NKAIN1: variants seen among roughly 807,000 people sequenced by gnomAD.
NKAIN1 encodes sodium/potassium-transporting ATPase subunit beta-1-interacting protein 1.
Under a neutral mutation model 31.6 loss-of-function variants are expected in NKAIN1, and 13 were observed. The ratio of observed to expected loss-of-function variants is 0.41; its 90% CI spans 0.27 to 0.65. The LOEUF is 0.65. Ranked by LOEUF, NKAIN1 falls within the 30% of genes least tolerant of loss-of-function variation. The probability of loss-of-function intolerance (pLI) is 0.30; values close to 1 mark genes in which losing one functional copy is unlikely to be tolerated. For synonymous variants in NKAIN1, 104 were observed against 109.0 expected, an observed-to-expected ratio of 0.95 and a Z score of 0.28; for missense variants, 193 against 262.2, an observed-to-expected ratio of 0.74 and a Z score of 1.82.
chr1:31,230,462 G>A (rs571318811), intron 1 of NKAIN1, among the ~76,000 whole-genome samples: 8 of 152,314 alleles, frequency 5.3e-5, no homozygotes, highest in African/African-American at 1.9e-4. Flanking sequence ...GCTTTGAGAG[G>A]GGCCAGGAGG....
chr1:31,180,978 T>C lies in NKAIN1; in HGVS notation c.*725A>G, dbSNP rs1449230707. On this transcript the variant is annotated 3_prime_UTR_variant, in exon 7 of 7. Transcript: ENST00000373736. ...AGAGAGCAGACACTGGGTTTTACAG[T>C]CAGAAACTGCAGAAAGTACACTGTG... 1 of 152,034 alleles carries C rather than the reference T, an allele frequency of 6.6e-6. No homozygotes were observed. Among genetic ancestry groups the C allele is most frequent in the Non-Finnish European group, 1.5e-5 (1 of 68,008 alleles). 9.4% of individuals were successfully genotyped at this position (152,034 alleles called of 1,614,324 possible). A position where few individuals can be genotyped will look rare whatever the true frequency, so the allele number is the denominator to read the frequency against.
At chr1:31,228,483 T>C (rs545031196) in intron 1 of NKAIN1, among the ~76,000 whole-genome samples, 16 of 152,264 alleles carry the variant, frequency 1.1e-4, no homozygotes, top group Middle Eastern at 3.4e-3. Context: ...TTCATAATTA[T>C]AGATATCATT....
intron 1 of NKAIN1, among the ~76,000 whole-genome samples, chr1:31,209,229 G>A (rs1645447965): frequency 6.6e-6 from 1 of 152,200 alleles, no homozygotes; most frequent in Non-Finnish European, 1.5e-5. Flanking sequence ...ACAAAAGTTA[G>A]CTGGGCTTGG....
chr1:31,218,139 T>G (rs1645532819), intron 1 of NKAIN1, among the ~76,000 whole-genome samples: 1 of 151,338 alleles, frequency 6.6e-6, no homozygotes. Context: ...CTCAGCTCAC[T>G]GCAGCCTCTG....
chr1:31,225,730 G>A (rs965168055), intron 1 of NKAIN1, among the ~76,000 whole-genome samples: 1 of 152,196 alleles, frequency 6.6e-6, no homozygotes, highest in African/African-American at 2.4e-5. Context: ...TGTCCGGGGG[G>A]ACTCATGCAG....
chr1:31,212,316 A>G (rs1399358890), intron 1 of NKAIN1, among the ~76,000 whole-genome samples: 1 of 152,160 alleles, frequency 6.6e-6, no homozygotes, highest in African/African-American at 2.4e-5. Flanking sequence ...ATGGGTCAAA[A>G]ACCTAAATGT....
Position 31,182,556 on chromosome 1 carries a change from T to C in NKAIN1, c.506A>G (p.Lys169Arg). 6.2e-7 allele frequency: 1 copy of C among 1,614,106 alleles called. No individual in the cohort carries two copies. The highest frequency in any genetic ancestry group is 1.1e-5 in the South Asian group (1 of 91,074). ...FGFVFACYVSKVFLEEEDSFD... is the reference protein window; with the variant it reads ...FGFVFACYVSRVFLEEEDSFD... The stretch of plus-strand genomic sequence containing the variant: ...GCTGTCCTCCTCCTCCAGGAACACT[T>C]TGCTCACGTAGCAGGCGAACACGAA... The change falls in exon 5 of 7, where the codon AAA becomes AGA. Residue 169 changes from lysine (K) to arginine (R), a missense_variant. Physicochemically the swap from Lys to Arg is conservative, Grantham distance 26. Coordinates refer to ENST00000373736, the MANE Select transcript of NKAIN1 (RefSeq NM_024522.3).
rs150973259 is a variant in NKAIN1 at position 31,207,910 on chromosome 1, C to A, written c.55-19723G>T. Among the ~76,000 whole-genome samples the A allele has an allele frequency of 4.6e-4, 70 of 152,124 alleles. 2 individuals carry two copies. In the East Asian group the frequency reaches 8.9e-3, roughly 19 times the overall value. The stretch of plus-strand genomic sequence containing the variant: ...GGCCCAGGGAGGTGAAGTAACAGAT[C>A]CCAGGTTACACAGTCAGGAAGCGGT... On this transcript the variant is annotated intron_variant, in intron 1 of 6. Transcript: ENST00000373736.
chr1:31,204,222 G>C (rs1252406108), intron 1 of NKAIN1, among the ~76,000 whole-genome samples: 1 of 152,128 alleles, frequency 6.6e-6, no homozygotes, highest in Non-Finnish European at 1.5e-5. Flanking sequence ...TTATTCTGCT[G>C]GTCCCTAGGA....
In NKAIN1 at chr1:31,202,869, C is replaced by T. The variant is rs149419828; in HGVS notation, c.55-14682G>A. On this transcript the variant is annotated intron_variant, in intron 1 of 6. Transcript: ENST00000373736. ...GTGTGCGCCTGTAGTCCCAGCTACTCGGGAGGCTGAGGCAAGAGAATCATT... is the reference window on the plus strand; with the variant it reads ...GTGTGCGCCTGTAGTCCCAGCTACTTGGGAGGCTGAGGCAAGAGAATCATT... Among the ~76,000 whole-genome samples, 195 of 150,344 alleles carry T rather than the reference C, an allele frequency of 1.3e-3. 1 individual carries two copies. The East Asian group carries it at 0.033, about 26-fold the overall frequency.
chr1:31,213,237 C>T (rs531559191), intron 1 of NKAIN1, among the ~76,000 whole-genome samples: 11 of 151,698 alleles, frequency 7.3e-5, no homozygotes, highest in African/African-American at 1.2e-4. Flanking sequence ...TTTTGCAATT[C>T]ACCAGTAAAT....
rs1645197133 is a variant in NKAIN1 at position 31,181,501 on chromosome 1, C to G, written c.*202G>C. On this transcript the variant is annotated 3_prime_UTR_variant, in exon 7 of 7. Coordinates refer to ENST00000373736, the MANE Select transcript of NKAIN1 (RefSeq NM_024522.3). The stretch of plus-strand genomic sequence containing the variant: ...CGCCCCGCCCCACTCCTCCGAAGTC[C>G]GGGCTGCGAAGAGCCAAGCTCAAAT... The G allele has an allele frequency of 2.2e-6, 1 of 447,240 alleles. No individual in the cohort carries two copies. Among genetic ancestry groups the G allele is most frequent in the African/African-American group, 2.0e-5 (1 of 49,096 alleles). The allele number at this position is 447,240 out of a possible 1,614,324, so 27.7% of individuals were successfully genotyped here. A position where few individuals can be genotyped will look rare whatever the true frequency, so the allele number is the denominator to read the frequency against.
chr1:31,234,928 G>A (rs1027564564), intron 1 of NKAIN1, among the ~76,000 whole-genome samples: 6 of 152,012 alleles, frequency 3.9e-5, no homozygotes, highest in Non-Finnish European at 8.8e-5. Flanking sequence ...ACACCCCTTC[G>A]CACCTCAATT....
Position 31,239,860 on chromosome 1 carries a change from C to T in NKAIN1, c.-313G>A, listed in dbSNP as rs925431955. ...AGCGCGGAGCAAGGAGAGCGAGCCCCGAGCGCGGCGCAGCGCAGAGCAGCA... is the reference window on the plus strand; with the variant it reads ...AGCGCGGAGCAAGGAGAGCGAGCCCTGAGCGCGGCGCAGCGCAGAGCAGCA... On this transcript the variant is annotated 5_prime_UTR_variant, in exon 1 of 7. Coordinates refer to ENST00000373736, the MANE Select transcript of NKAIN1 (RefSeq NM_024522.3). This position sits in a 1 kb window ranked among gnomAD's most constrained non-coding sequence, Gnocchi z 4.8. Among the ~76,000 whole-genome samples the T allele has an allele frequency of 2.6e-5, 4 of 152,000 alleles. No homozygotes were observed. The highest frequency in any genetic ancestry group is 7.2e-5 in the African/African-American group (3 of 41,420).
At chr1:31,182,772 T>C (rs551837177) in intron 4 of NKAIN1, among the ~76,000 whole-genome samples, 182 bp from the exon 5 acceptor site, 42 of 152,356 alleles carry the variant, frequency 2.8e-4, no homozygotes, top group Non-Finnish European at 4.7e-4. Flanking sequence ...CTAACTCTTC[T>C]GAAAGTGTAA....
intron 1 of NKAIN1, among the ~76,000 whole-genome samples, chr1:31,225,050 A>T: frequency 1.3e-5 from 1 of 74,192 alleles, no homozygotes; most frequent in African/African-American, 1.3e-4. Flanking sequence ...TTTTTTTGAG[A>T]CGGACTCTCA....
chr1:31,196,342 T>C (rs1390313891), intron 1 of NKAIN1, among the ~76,000 whole-genome samples: 1 of 151,778 alleles, frequency 6.6e-6, no homozygotes, highest in Non-Finnish European at 1.5e-5. Context: ...TGAAACCCTG[T>C]CTCTACTAAA....
intron 1 of NKAIN1, among the ~76,000 whole-genome samples, chr1:31,213,993 C>CA (rs148357835): frequency 0.65 from 94,749 of 144,774 alleles, 32,156 homozygotes; most frequent in Middle Eastern, 0.86. Flanking sequence ...GCCCCTGTCT[C>CA]AAAAAAAGAA....
In NKAIN1 at chr1:31,239,107, G is replaced by A. The variant is rs944786534; in HGVS notation, c.54+387C>T. 2.0e-5 allele frequency among the ~76,000 whole-genome samples: 3 copies of A among 152,052 alleles called. No individual in the cohort carries two copies. Among genetic ancestry groups the A allele is most frequent in the African/African-American group, 7.2e-5 (3 of 41,410 alleles). On this transcript the variant is annotated intron_variant, in intron 1 of 6. Transcript: ENST00000373736. The surrounding 1 kb of genome is among the most constrained non-coding windows in gnomAD (Gnocchi z 4.8). The stretch of plus-strand genomic sequence containing the variant: ...GGAAGGGAGAGACCCATGCAAACGA[G>A]GGATCTAGAGGGAAACACACAGCAG...
Sources: allele counts gnomAD v4.1 joint callset (sites outside exome capture counted in the v4.1 genomes callset), GRCh38; gene constraint gnomAD v4.1.1; non-coding constraint Gnocchi (gnomAD v3.1); transcripts MANE v1.5; gene names NCBI Gene and HGNC (gene_info 2026-07-23, HGNC 2026-07-21).